The following NR3C1 variants were observed in gnomAD, a reference collection of about 807,000 sequenced individuals.
NR3C1 encodes the protein nuclear receptor subfamily 3 group C member 1.
In NR3C1, 14 loss-of-function variants were observed where a neutral mutation model predicts 74.0. The observed-to-expected ratio is 0.19, with a 90% confidence interval of 0.12 to 0.30. The LOEUF (loss-of-function observed/expected upper bound fraction) is 0.30, where lower values mean the gene tolerates loss of function less well. Ranked by LOEUF, NR3C1 falls within the 10% of genes least tolerant of loss-of-function variation. The pLI is 1.00. For missense variants in NR3C1, 695 were observed against 909.8 expected (o/e 0.76, Z 3.04); for synonymous variants, 308 against 332.5 (o/e 0.93, Z 0.80).
upstream of NR3C1, among the ~76,000 whole-genome samples, chr5:143,406,665 G>A (rs886132619): frequency 2.0e-5 from 3 of 152,132 alleles, no homozygotes; most frequent in African/African-American, 7.2e-5. Context: ...ATTGTTATTC[G>A]ATTTTTCAAT....
chr5:143,309,652 C>G (rs10214015), intron 4 of NR3C1, among the ~76,000 whole-genome samples: 1 of 151,876 alleles, frequency 6.6e-6, no homozygotes, highest in African/African-American at 2.4e-5. Flanking sequence ...CACCACCCCC[C>G]GCTTGAAGAT....
chr5:143,300,437 GAAAACAC>G lies in NR3C1; in HGVS notation c.1747+41_1747+47del. ...TAAAAGCCAAAGTGTTTTTGCTGAA[GAAAACAC>G]AAAGGTTTATATAGTTGCTCTTTTA... On this transcript the variant is annotated intron_variant, in intron 5 of 8. Transcript: ENST00000394464. The surrounding 1 kb of genome is among the most constrained non-coding windows in gnomAD (Gnocchi z 5.2). The G allele has an allele frequency of 6.2e-7, 1 of 1,611,944 alleles. No homozygotes were observed. Among genetic ancestry groups the G allele is most frequent in the South Asian group, 1.1e-5 (1 of 90,960 alleles).
intron 2 of NR3C1, among the ~76,000 whole-genome samples, chr5:143,333,744 G>A (rs1222966610): frequency 2.6e-5 from 4 of 152,144 alleles, no homozygotes. Context: ...CTCCAGCTGG[G>A]CGACAGAGCG....
chr5:143,342,693 G>A (rs998266925), intron 2 of NR3C1, among the ~76,000 whole-genome samples: 4 of 152,170 alleles, frequency 2.6e-5, no homozygotes, highest in African/African-American at 4.8e-5. Flanking sequence ...TCCTAGCCAG[G>A]AGCCAGGAAA....
At chr5:143,349,734 T>C (rs1461029977) in intron 2 of NR3C1, among the ~76,000 whole-genome samples, 1 of 152,182 alleles carries the variant, frequency 6.6e-6, no homozygotes, top group Non-Finnish European at 1.5e-5. Context: ...TACTAGGCAC[T>C]GGGGTATACC....
upstream of NR3C1, chr5:143,406,901 A>G (rs1480316170): frequency 6.6e-6 from 1 of 152,242 alleles, no homozygotes; most frequent in Non-Finnish European, 1.5e-5. Context: ...TTAGCATTAT[A>G]ATAATAACAC....
At chr5:143,395,011 T>G (rs562983767) in intron 2 of NR3C1, among the ~76,000 whole-genome samples, 3 of 152,140 alleles carry the variant, frequency 2.0e-5, no homozygotes, top group African/African-American at 7.2e-5. Flanking sequence ...GAAAGCAACC[T>G]GTCACAATTA....
At chr5:143,363,436 T>C (rs902911818) in intron 2 of NR3C1, among the ~76,000 whole-genome samples, 1 of 152,108 alleles carries the variant, frequency 6.6e-6, no homozygotes, top group African/African-American at 2.4e-5. Flanking sequence ...ACAGAAACTA[T>C]GCCTGAGGAA....
intron 2 of NR3C1, among the ~76,000 whole-genome samples, chr5:143,387,198 TA>T (rs1837392992): frequency 1.3e-5 from 2 of 152,220 alleles, no homozygotes; most frequent in African/African-American, 4.8e-5. Flanking sequence ...ACCTTACTCT[TA>T]ACTGAATCTC....
At chr5:143,393,321 C>T (rs533145742) in intron 2 of NR3C1, among the ~76,000 whole-genome samples, 9 of 152,172 alleles carry the variant, frequency 5.9e-5, no homozygotes, top group Non-Finnish European at 8.8e-5. Flanking sequence ...ATCAAATTGA[C>T]GGGTTAAAAG....
intron 2 of NR3C1, among the ~76,000 whole-genome samples, chr5:143,351,439 G>A (rs1012897586): frequency 6.6e-6 from 1 of 152,032 alleles, no homozygotes; most frequent in Non-Finnish European, 1.5e-5. Context: ...AAAGAGTCAG[G>A]ATTATAGACA....
intron 1 of NR3C1, among the ~76,000 whole-genome samples, chr5:143,422,786 T>C (rs1195454210): frequency 1.3e-5 from 2 of 152,198 alleles, no homozygotes; most frequent in Non-Finnish European, 2.9e-5. Flanking sequence ...GATTCTGTTA[T>C]AGCATCCTGA....
intron 4 of NR3C1, among the ~76,000 whole-genome samples, chr5:143,302,966 T>C (rs1233371548): frequency 6.6e-6 from 1 of 152,074 alleles, no homozygotes; most frequent in East Asian, 1.9e-4. Flanking sequence ...AGAGAAATCT[T>C]AATTAGCTTA....
chr5:143,333,006 A>G (rs1826324372), intron 2 of NR3C1: 2 of 1,587,118 alleles, frequency 1.3e-6, no homozygotes. Flanking sequence ...TCTGACAGAC[A>G]ACACAGTGAT....
At chr5:143,389,079 C>T (rs1348910111) in intron 2 of NR3C1, among the ~76,000 whole-genome samples, 4 of 152,182 alleles carry the variant, frequency 2.6e-5, no homozygotes, top group Non-Finnish European at 5.9e-5. Context: ...CATTCATGCA[C>T]TTTCCTCCAT....
At position 143,399,799 on chromosome 5, in the gene NR3C1, C is replaced by G; in HGVS notation, c.1041G>C (p.Gln347His). The G allele has an allele frequency of 6.2e-7, 1 of 1,614,182 alleles. No individual in the cohort carries two copies. The highest frequency in any genetic ancestry group is 8.5e-7 in the Non-Finnish European group (1 of 1,180,028). ...NTASLSQQQD[Q>H]KPIFNVIPPI... ...GTGGAATGACATTAAAAATAGGCTT[C>G]TGATCCTGCTGTTGAGAAAGGGATG... Residue 347 changes from glutamine (Q) to histidine (H), a missense_variant, in exon 2 of 9, where the codon CAG becomes CAC. This residue lies in a region of NR3C1 where 497 missense variants were observed against 489.5 expected (regional missense o/e 1.02). Coordinates refer to ENST00000394464, the MANE Select transcript of NR3C1 (RefSeq NM_000176.3).
chr5:143,366,497 G>A (rs1212100481), intron 2 of NR3C1, among the ~76,000 whole-genome samples: 3 of 146,006 alleles, frequency 2.1e-5, no homozygotes, highest in Non-Finnish European at 4.5e-5. Context: ...GTGACAAGAT[G>A]GAAATTCTGC....
chr5:143,412,226 C>T (rs1424761243), intron 1 of NR3C1, among the ~76,000 whole-genome samples: 1 of 125,574 alleles, frequency 8.0e-6, no homozygotes, highest in Non-Finnish European at 1.5e-5. Context: ...GAAAGTTAGG[C>T]TGGATTGTTA....
In NR3C1 at chr5:143,306,104, T is replaced by A. The variant is rs79224324; in HGVS notation, c.1468+3993A>T. On this transcript the variant is annotated intron_variant, in intron 4 of 8. Transcript: ENST00000394464. ...TCAAGAGAAAAACAAGCAAGTTTTT[T>A]AAAAAAAAACATTTAGGATCACCAT... Among the ~76,000 whole-genome samples, 326 of 151,438 alleles carry A rather than the reference T, an allele frequency of 2.2e-3. 1 individual carries two copies. Among genetic ancestry groups the A allele is most frequent in the South Asian group, 6.3e-3 (30 of 4,780 alleles).
Sources: gnomAD v4.1 joint callset for allele counts (sites outside exome capture counted in the v4.1 genomes callset) on GRCh38, gnomAD v4.1.1 for gene constraint, gnomAD v4.1.1 regional missense constraint, Gnocchi (gnomAD v3.1) non-coding constraint, MANE v1.5 for transcripts, NCBI Gene and HGNC (gene_info 2026-07-23, HGNC 2026-07-21) for gene names.